CTNNA3: variants seen among roughly 807,000 people sequenced by gnomAD.
CTNNA3 encodes the protein catenin alpha 3, also known as catenin alpha-3.
A neutral mutation model predicts 95.7 loss-of-function variants in CTNNA3; 76 were observed. That is an observed-to-expected ratio of 0.79 (90% CI 0.66 to 0.96). The LOEUF (loss-of-function observed/expected upper bound fraction) is 0.96. CTNNA3 is among the 40% of genes least tolerant of loss of function. The pLI, the probability that CTNNA3 is intolerant of heterozygous loss-of-function variation, is 0.00. For synonymous variants in CTNNA3, 431 were observed against 374.4 expected (o/e 1.15, Z -1.74); for missense variants, 1,191 against 1,089.8 (o/e 1.09, Z -1.31).
chr10:67,758,315 AATAT>A (rs558989789), intron 1 of CTNNA3, among the ~76,000 whole-genome samples: 1 of 124,630 alleles, frequency 8.0e-6, no homozygotes, highest in East Asian at 2.2e-4. Flanking sequence ...CATATATATA[AATAT>A]ATATACACAC....
intron 12 of CTNNA3, among the ~76,000 whole-genome samples, chr10:66,297,303 C>T (rs1319038135): frequency 1.3e-5 from 2 of 152,010 alleles, no homozygotes; most frequent in African/African-American, 2.4e-5. Flanking sequence ...TGGTTCCATC[C>T]TTGCAAGCCG....
chr10:66,528,803 A>T (rs1248665383), intron 10 of CTNNA3, among the ~76,000 whole-genome samples: 1 of 152,164 alleles, frequency 6.6e-6, no homozygotes. Context: ...GCTAAAACAA[A>T]GACTGAATTA....
intron 1 of CTNNA3, among the ~76,000 whole-genome samples, chr10:67,656,390 C>T (rs1840026589): frequency 6.6e-6 from 1 of 152,112 alleles, no homozygotes; most frequent in Non-Finnish European, 1.5e-5. Flanking sequence ...GCTATAAGAG[C>T]AAAATGATGT....
At chr10:66,412,068 C>T (rs2132598927) in intron 11 of CTNNA3, among the ~76,000 whole-genome samples, 1 of 152,004 alleles carries the variant, frequency 6.6e-6, no homozygotes, top group South Asian at 2.1e-4. Flanking sequence ...GATCCAAGTA[C>T]AAGAGTAATT....
intron 7 of CTNNA3, among the ~76,000 whole-genome samples, chr10:66,912,095 A>G (rs1374321471): frequency 6.6e-6 from 1 of 152,206 alleles, no homozygotes; most frequent in Non-Finnish European, 1.5e-5. Context: ...TTTTGCATAC[A>G]GGCCCATACT....
intron 9 of CTNNA3, among the ~76,000 whole-genome samples, chr10:66,672,803 C>A (rs1846711922): frequency 6.6e-6 from 1 of 151,936 alleles, no homozygotes; most frequent in African/African-American, 2.4e-5. Context: ...AATTTAAGCT[C>A]AAGAAAGTTT....
chr10:67,172,355 A>C (rs2132116155), intron 7 of CTNNA3, among the ~76,000 whole-genome samples: 1 of 152,324 alleles, frequency 6.6e-6, no homozygotes, highest in South Asian at 2.1e-4. Flanking sequence ...ACTTCTTAGC[A>C]CAGTGTTTAT....
At chr10:66,217,229 T>G (rs2088605093) in intron 13 of CTNNA3, among the ~76,000 whole-genome samples, 1 of 151,764 alleles carries the variant, frequency 6.6e-6, no homozygotes, top group Admixed American at 6.6e-5. Context: ...TGGTGGGTGC[T>G]TGTAGTCCCA....
Position 66,849,025 on chromosome 10 carries a change from C to A in CTNNA3, c.1048-73501G>T, listed in dbSNP as rs186625305. ...GAAATAATGAAGCCATCCCCAGATT[C>A]CAGATGGATACAAAACTAATTTCAT... is the stretch of plus-strand genomic sequence containing the variant. On this transcript the variant is annotated intron_variant, in intron 7 of 17. Coordinates refer to ENST00000433211, the MANE Select transcript of CTNNA3 (RefSeq NM_013266.4). 3.3e-5 allele frequency among the ~76,000 whole-genome samples: 5 copies of A among 152,290 alleles called. No homozygotes were observed. In the East Asian group the frequency reaches 5.8e-4, roughly 18 times the overall value.
intron 5 of CTNNA3, among the ~76,000 whole-genome samples, chr10:67,389,300 A>G: frequency 6.6e-6 from 1 of 151,356 alleles, no homozygotes; most frequent in Non-Finnish European, 1.5e-5. Context: ...AACAAAGATC[A>G]AAACAGACAA....
In CTNNA3 at chr10:66,861,361, T is replaced by C. The variant is rs184539101; in HGVS notation, c.1048-85837A>G. ...ATGTGTTTTCTCTGGGTACACCAGT[T>C]TCCCCCACATCCCAAAGCTGTGCAC... On this transcript the variant is annotated intron_variant, in intron 7 of 17. Coordinates refer to ENST00000433211, the MANE Select transcript of CTNNA3 (RefSeq NM_013266.4). Among the ~76,000 whole-genome samples, 470 of 152,266 alleles carry C rather than the reference T, an allele frequency of 3.1e-3. 7 individuals carry two copies. The highest frequency in any genetic ancestry group is 9.4e-4 in the Non-Finnish European group (64 of 68,020).
intron 3 of CTNNA3, among the ~76,000 whole-genome samples, chr10:67,581,050 T>G (rs1179565791): frequency 1.3e-5 from 2 of 152,182 alleles, no homozygotes; most frequent in African/African-American, 4.8e-5. Flanking sequence ...TACCCTTTAT[T>G]TCCTTCTCTT....
intron 7 of CTNNA3, among the ~76,000 whole-genome samples, chr10:66,921,745 T>A (rs1846800169): frequency 6.6e-6 from 1 of 152,188 alleles, no homozygotes; most frequent in African/African-American, 2.4e-5. Flanking sequence ...ATTTTTCTTT[T>A]TTTTCATAGT....
chr10:66,781,487 T>C (rs1041689808), intron 7 of CTNNA3, among the ~76,000 whole-genome samples: 2 of 152,134 alleles, frequency 1.3e-5, no homozygotes, highest in African/African-American at 4.8e-5. Context: ...AGAATACCAC[T>C]GTACTGAATG....
chr10:66,499,096 T>C (rs1564492853), intron 11 of CTNNA3, among the ~76,000 whole-genome samples: 1 of 152,186 alleles, frequency 6.6e-6, no homozygotes, highest in Non-Finnish European at 1.5e-5. Flanking sequence ...TTTGACTTCA[T>C]TTTTTACTAA....
At chr10:67,389,994 A>C (rs1200016106) in intron 5 of CTNNA3, among the ~76,000 whole-genome samples, 2 of 151,890 alleles carry the variant, frequency 1.3e-5, no homozygotes, top group Non-Finnish European at 2.9e-5. Flanking sequence ...TCACAATTAA[A>C]AGAACTAGAA....
intron 7 of CTNNA3, among the ~76,000 whole-genome samples, chr10:67,063,374 A>T (rs1855876414): frequency 6.6e-6 from 1 of 152,228 alleles, no homozygotes; most frequent in African/African-American, 2.4e-5. Flanking sequence ...GCTGAATGTG[A>T]TAAAAATATA....
chr10:67,007,296 T>C (rs1263876764), intron 7 of CTNNA3, among the ~76,000 whole-genome samples: 2 of 152,182 alleles, frequency 1.3e-5, no homozygotes, highest in African/African-American at 2.4e-5. Context: ...TTGGCTCTTT[T>C]TCCTCTCCCA....
intron 10 of CTNNA3, among the ~76,000 whole-genome samples, chr10:66,593,862 T>G (rs1843627921): frequency 6.6e-6 from 1 of 152,102 alleles, no homozygotes; most frequent in African/African-American, 2.4e-5. Flanking sequence ...GATTACTCCT[T>G]CCCTGATAGC....
Sources: gnomAD v4.1 joint callset for allele counts (sites outside exome capture counted in the v4.1 genomes callset) on GRCh38, gnomAD v4.1.1 for gene constraint, MANE v1.5 for transcripts, NCBI Gene and HGNC (gene_info 2026-07-23, HGNC 2026-07-21) for gene names.